Variants in CTNNA2 observed in about 807,000 individuals in gnomAD.
CTNNA2 encodes catenin alpha 2.
Under a neutral mutation model 101.0 loss-of-function variants are expected in CTNNA2, and 42 were observed. The ratio of observed to expected loss-of-function variants is 0.42; its 90% CI spans 0.32 to 0.54. The LOEUF is 0.54. Among genes scored for constraint, CTNNA2 ranks in the 20% least tolerant of loss-of-function variants. The pLI is 0.14. For missense variants in CTNNA2, 871 were observed against 1,223.1 expected, an observed-to-expected ratio of 0.71 and a Z score of 4.29; for synonymous variants, 450 against 456.4, an observed-to-expected ratio of 0.99 and a Z score of 0.18.
At chr2:79,804,412 T>G (rs1676403172) in intron 3 of CTNNA2, among the ~76,000 whole-genome samples, 1 of 152,176 alleles carries the variant, frequency 6.6e-6, no homozygotes, top group African/African-American at 2.4e-5. Context: ...GGTATTTTTT[T>G]GAGCAAAATG....
chr2:79,429,241 T>A (rs1287045892), intron 4 of CTNNA2, among the ~76,000 whole-genome samples: 1 of 151,410 alleles, frequency 6.6e-6, no homozygotes, highest in Non-Finnish European at 1.5e-5. Context: ...GCTCGTGAAC[T>A]TTTTTTTTAA....
chr2:80,219,890 A>T (rs578209751), intron 7 of CTNNA2, among the ~76,000 whole-genome samples: 21 of 152,254 alleles, frequency 1.4e-4, no homozygotes, highest in African/African-American at 4.6e-4. Flanking sequence ...ATGTTTAATT[A>T]CTCTGCATTT....
chr2:79,626,901 T>A (rs774286601), intron 1 of CTNNA2, among the ~76,000 whole-genome samples: 3 of 152,146 alleles, frequency 2.0e-5, no homozygotes, highest in Admixed American at 6.5e-5. Flanking sequence ...TTTCCCGTAA[T>A]GCTTATGGAA....
intron 7 of CTNNA2, among the ~76,000 whole-genome samples, chr2:80,011,888 T>A (rs1693814527): frequency 6.6e-6 from 1 of 152,326 alleles, no homozygotes; most frequent in African/African-American, 2.4e-5. Context: ...TATCTTTACC[T>A]GTTTTTTGCA....
intron 7 of CTNNA2, among the ~76,000 whole-genome samples, chr2:80,358,412 G>A (rs997786135): frequency 4.8e-5 from 7 of 146,008 alleles, no homozygotes; most frequent in East Asian, 4.1e-4. Flanking sequence ...GTGCAATGGC[G>A]CAATCTTGGC....
chr2:80,246,030 G>A (rs538004111), intron 7 of CTNNA2, among the ~76,000 whole-genome samples: 12 of 152,004 alleles, frequency 7.9e-5, no homozygotes, highest in Non-Finnish European at 1.3e-4. Context: ...TCCTGACCTC[G>A]TGATCCGCCC....
chr2:79,215,306 G>A (rs967589195), intron 2 of CTNNA2, among the ~76,000 whole-genome samples: 1 of 152,166 alleles, frequency 6.6e-6, no homozygotes, highest in Non-Finnish European at 1.5e-5. Context: ...CGGGCCTGGA[G>A]GAACGCCTGG....
chr2:79,789,638 G>A (rs1675117691), intron 3 of CTNNA2, among the ~76,000 whole-genome samples: 1 of 152,050 alleles, frequency 6.6e-6, no homozygotes. Context: ...AAAATGATGA[G>A]AATTGTATCT....
At chr2:80,504,700 G>A (rs1688134937) in intron 9 of CTNNA2, among the ~76,000 whole-genome samples, 1 of 152,136 alleles carries the variant, frequency 6.6e-6, no homozygotes, top group South Asian at 2.1e-4. Context: ...AAATGGAATT[G>A]TAATCATACT....
rs564375213 is a variant in CTNNA2 at position 80,215,642 on chromosome 2, C to T, written c.1057-177569C>T. Among the ~76,000 whole-genome samples, 8 of 152,232 alleles carry T rather than the reference C, an allele frequency of 5.3e-5. 1 individual carries two copies. The highest frequency in any genetic ancestry group is 1.9e-4 in the African/African-American group (8 of 41,558). ...CTGGAAGCTTCGTCTCAGAGGGGCACCTGGCTGTATGAAGTGTCAGTCGGC... is the reference window on the plus strand; with the variant it reads ...CTGGAAGCTTCGTCTCAGAGGGGCATCTGGCTGTATGAAGTGTCAGTCGGC... On this transcript the variant is annotated intron_variant, in intron 7 of 18. Transcript: ENST00000402739.
chr2:79,221,343 GA>G (rs1414370270), intron 2 of CTNNA2, among the ~76,000 whole-genome samples: 1 of 152,022 alleles, frequency 6.6e-6, no homozygotes, highest in African/African-American at 2.4e-5. Context: ...TGCAGAGATG[GA>G]GCCTTGCTAT....
rs1678295654 is a variant in CTNNA2, at chr2:79,402,061, C to T, written c.-135+28048C>T. ...CTTTAAGACAAATTGTTACTAGAGG[C>T]AAAAAAGAACATCTTATAATAATAA... On this transcript the variant is annotated intron_variant, in intron 4 of 21. Transcript: ENST00000466387. Among the ~76,000 whole-genome samples the T allele has an allele frequency of 2.0e-5, 3 of 150,860 alleles. No individual in the cohort carries two copies. In the South Asian group the frequency reaches 6.3e-4, roughly 31 times the overall value.
At chr2:80,484,698 G>C (rs1165666792) in intron 9 of CTNNA2, among the ~76,000 whole-genome samples, 1 of 152,062 alleles carries the variant, frequency 6.6e-6, no homozygotes, top group Non-Finnish European at 1.5e-5. Context: ...AAGGCAGAAA[G>C]TTTTTGTTAA....
chr2:80,268,692 G>T (rs932597483), intron 7 of CTNNA2, among the ~76,000 whole-genome samples: 1 of 152,122 alleles, frequency 6.6e-6, no homozygotes, highest in African/African-American at 2.4e-5. Flanking sequence ...ATTTAATTTA[G>T]TTCAGTCCTA....
intron 6 of CTNNA2, among the ~76,000 whole-genome samples, chr2:79,877,472 C>T (rs913769754): frequency 6.6e-6 from 1 of 152,022 alleles, no homozygotes; most frequent in Non-Finnish European, 1.5e-5. Flanking sequence ...AAATAATATA[C>T]CGTTTCTCTT....
chr2:80,022,034 C>T (rs1694600650), intron 7 of CTNNA2, among the ~76,000 whole-genome samples: 1 of 152,084 alleles, frequency 6.6e-6, no homozygotes, highest in South Asian at 2.1e-4. Context: ...TTAGATCTGC[C>T]TCCAATATCC....
intron 3 of CTNNA2, among the ~76,000 whole-genome samples, chr2:79,843,488 T>C (rs1214171718): frequency 3.9e-5 from 6 of 152,210 alleles, no homozygotes; most frequent in African/African-American, 1.4e-4. Context: ...GGGCTGCCAT[T>C]GTCCCCGTCC....
At chr2:79,659,209 G>C (rs1681835898) in intron 2 of CTNNA2, among the ~76,000 whole-genome samples, 1 of 124,220 alleles carries the variant, frequency 8.1e-6, no homozygotes, top group Non-Finnish European at 1.7e-5. Context: ...AGTTGATCCA[G>C]TGCCTCTTTT....
chr2:79,423,599 C>T (rs1558663538), intron 4 of CTNNA2, among the ~76,000 whole-genome samples: 1 of 152,116 alleles, frequency 6.6e-6, no homozygotes, highest in Non-Finnish European at 1.5e-5. Context: ...TCTACCTGAC[C>T]ATGACAGATT....
Sources: gnomAD v4.1 joint callset for allele counts (sites outside exome capture counted in the v4.1 genomes callset) on GRCh38, gnomAD v4.1.1 for gene constraint, MANE v1.5 for transcripts, NCBI Gene and HGNC (gene_info 2026-07-23, HGNC 2026-07-21) for gene names.